The following TRAPPC9 variants were observed in gnomAD, a reference collection of about 807,000 sequenced individuals.
TRAPPC9 encodes trafficking protein particle complex subunit 9.
TRAPPC9 carries 83 observed loss-of-function variants against 124.0 expected under a neutral mutation model. The ratio of observed to expected loss-of-function variants is 0.67; its 90% CI spans 0.56 to 0.80. The LOEUF (loss-of-function observed/expected upper bound fraction) is 0.80, where lower values mean the gene tolerates loss of function less well. TRAPPC9 is among the 30% of genes least tolerant of loss of function. The pLI is 0.00. For synonymous variants in TRAPPC9, 638 were observed against 617.5 expected, an observed-to-expected ratio of 1.03 and a Z score of -0.49; for missense variants, 1,302 against 1,508.3, an observed-to-expected ratio of 0.86 and a Z score of 2.27.
chr8:139,879,901 C>A (rs1829572105), intron 21 of TRAPPC9, among the ~76,000 whole-genome samples: 1 of 152,182 alleles, frequency 6.6e-6, no homozygotes, highest in Non-Finnish European at 1.5e-5. Flanking sequence ...CTGCTCAGGG[C>A]ACTCGGCCAA....
At chr8:140,268,173 A>G (rs953297690) in intron 15 of TRAPPC9, among the ~76,000 whole-genome samples, 1 of 152,218 alleles carries the variant, frequency 6.6e-6, no homozygotes, top group Non-Finnish European at 1.5e-5. Flanking sequence ...ACCAAGTCCT[A>G]TGCTGTCTCC....
At position 140,125,741 on chromosome 8, in the gene TRAPPC9, CGTG is replaced by C. The variant is rs1415930978; in HGVS notation, c.2556+95715_2556+95717del. 4.6e-5 allele frequency among the ~76,000 whole-genome samples: 7 copies of C among 151,894 alleles called. No homozygotes were observed. The East Asian group carries it at 1.4e-3, about 30-fold the overall frequency. On this transcript the variant is annotated intron_variant, in intron 17 of 22. Transcript: ENST00000438773. The stretch of plus-strand genomic sequence containing the variant: ...TCCTGAGTAGCTGGGATTACAGGTG[CGTG>C]CCACCACACCCAGCTAATTTTTTTG...
chr8:139,945,643 G>GACAGCTCTACACT (rs780343653), intron 19 of TRAPPC9, among the ~76,000 whole-genome samples: 36 of 149,424 alleles, frequency 2.4e-4, no homozygotes, highest in Non-Finnish European at 4.1e-4. Context: ...CTGGTGTGCA[G>GACAGCTCTACACT]ACAGCACTAC....
chr8:140,159,321 T>C (rs1224517643), intron 17 of TRAPPC9, among the ~76,000 whole-genome samples: 1 of 152,232 alleles, frequency 6.6e-6, no homozygotes, highest in Non-Finnish European at 1.5e-5. Context: ...CTTCCAGTCA[T>C]GGATTTATCC....
rs1016663214 is a variant in TRAPPC9, at chr8:140,087,600, C to T, written c.2557-63521G>A. Among the ~76,000 whole-genome samples the T allele has an allele frequency of 1.4e-4, 22 of 152,170 alleles. No homozygotes were observed. The highest frequency in any genetic ancestry group is 5.1e-4 in the African/African-American group (21 of 41,434). On this transcript the variant is annotated intron_variant, in intron 17 of 22. Transcript: ENST00000438773. The surrounding 1 kb of genome is among the most constrained non-coding windows in gnomAD (Gnocchi z 4.6). ...TCAGGCCAAAACCTTAAAAGACACC[C>T]TTGCTTATTCTTCAGTGCATCTAAG...
chr8:139,871,316 A>T (rs1250237170), intron 21 of TRAPPC9, among the ~76,000 whole-genome samples: 3 of 152,184 alleles, frequency 2.0e-5, no homozygotes, highest in Non-Finnish European at 4.4e-5. Flanking sequence ...TATTAGGATT[A>T]ATAACCTGCT....
At chr8:139,741,276 G>C (rs752824884) in intron 21 of TRAPPC9, among the ~76,000 whole-genome samples, 5 of 152,196 alleles carry the variant, frequency 3.3e-5, no homozygotes. Flanking sequence ...TTGAGCACTC[G>C]CTGTCTTCCA....
intron 20 of TRAPPC9, among the ~76,000 whole-genome samples, chr8:139,901,184 G>T (rs1830998889): frequency 6.6e-6 from 1 of 152,098 alleles, no homozygotes; most frequent in African/African-American, 2.4e-5. Context: ...GGTGACTTCA[G>T]TTGGGTCATC....
intron 17 of TRAPPC9, among the ~76,000 whole-genome samples, chr8:140,158,365 G>A (rs566423585): frequency 6.6e-6 from 1 of 152,320 alleles, no homozygotes; most frequent in South Asian, 2.1e-4. Context: ...GAATGTCAGA[G>A]GAAACTGAAT....
chr8:140,144,155 T>C (rs2061422299), intron 17 of TRAPPC9, among the ~76,000 whole-genome samples: 1 of 152,226 alleles, frequency 6.6e-6, no homozygotes, highest in Non-Finnish European at 1.5e-5. Context: ...TCAGTTTATC[T>C]TGGCTATTCT....
At chr8:140,187,246 G>A (rs750610803) in intron 17 of TRAPPC9, among the ~76,000 whole-genome samples, 1 of 152,150 alleles carries the variant, frequency 6.6e-6, no homozygotes, top group Non-Finnish European at 1.5e-5. Flanking sequence ...ATATACACAG[G>A]TTCTGCAAGG....
At chr8:139,802,572 C>T (rs1823613329) in intron 21 of TRAPPC9, among the ~76,000 whole-genome samples, 1 of 152,188 alleles carries the variant, frequency 6.6e-6, no homozygotes, top group African/African-American at 2.4e-5. Context: ...CACAGGATCG[C>T]TGTGAGGATG....
chr8:140,015,206 G>T (rs188254072), intron 18 of TRAPPC9, among the ~76,000 whole-genome samples: 1,542 of 150,854 alleles, frequency 0.01, 27 homozygotes, highest in African/African-American at 0.036. Flanking sequence ...TGTCCATGCT[G>T]CAGTGGCCTG....
intron 19 of TRAPPC9, among the ~76,000 whole-genome samples, chr8:139,966,115 C>T (rs550714058): frequency 2.0e-4 from 30 of 151,950 alleles, no homozygotes; most frequent in Non-Finnish European, 3.5e-4. Context: ...CCCCTCCAAG[C>T]GAGTCACAGT....
chr8:139,958,173 G>A (rs759693269), intron 19 of TRAPPC9, among the ~76,000 whole-genome samples: 1 of 152,322 alleles, frequency 6.6e-6, no homozygotes, highest in African/African-American at 2.4e-5. Context: ...CAGAAGGAGG[G>A]AAGGAAAGTG....
At chr8:140,308,551 T>C (rs184376536) in intron 10 of TRAPPC9, among the ~76,000 whole-genome samples, 1 of 152,194 alleles carries the variant, frequency 6.6e-6, no homozygotes, top group East Asian at 1.9e-4. Context: ...CGAATATGTT[T>C]ATGCAGATGG....
In TRAPPC9 at chr8:140,254,621, C is replaced by A. The variant is rs1392248352; in HGVS notation, c.2279-1692G>T. ...CCTCCTCCTCCCAGGAAGGGCCCAG[C>A]TTCCAGGCTCTGCAAAGGTCCTCCT... On this transcript the variant is annotated intron_variant, in intron 15 of 22. Coordinates refer to ENST00000438773, the MANE Select transcript of TRAPPC9 (RefSeq NM_001160372.4). Among the ~76,000 whole-genome samples the A allele has an allele frequency of 2.6e-5, 4 of 152,226 alleles. No homozygotes were observed. In the East Asian group the frequency reaches 5.8e-4, roughly 22 times the overall value.
intron 21 of TRAPPC9, among the ~76,000 whole-genome samples, chr8:139,850,925 T>C (rs1161655374): frequency 6.6e-6 from 1 of 152,200 alleles, no homozygotes; most frequent in African/African-American, 2.4e-5. Context: ...ATGAGTAAGA[T>C]ATCCTCCATG....
intron 17 of TRAPPC9, among the ~76,000 whole-genome samples, chr8:140,048,125 T>C (rs369912092): frequency 5.9e-5 from 9 of 152,306 alleles, no homozygotes; most frequent in African/African-American, 2.2e-4. Flanking sequence ...ATGGACACAA[T>C]TGGCTTGTCC....
Sources: allele counts gnomAD v4.1 joint callset (sites outside exome capture counted in the v4.1 genomes callset), GRCh38; gene constraint gnomAD v4.1.1; non-coding constraint Gnocchi (gnomAD v3.1); transcripts MANE v1.5; gene names NCBI Gene and HGNC (gene_info 2026-07-23, HGNC 2026-07-21).